Variants in ADAMTS5 observed in about 807,000 individuals in gnomAD.
The protein encoded by ADAMTS5 is ADAM metallopeptidase with thrombospondin type 1 motif 5.
A neutral mutation model predicts 81.4 loss-of-function variants in ADAMTS5; 54 were observed. The observed-to-expected ratio is 0.66, with a 90% confidence interval of 0.53 to 0.83. The LOEUF (loss-of-function observed/expected upper bound fraction) is 0.83, where lower values mean the gene tolerates loss of function less well. ADAMTS5 is among the 40% of genes least tolerant of loss of function. The pLI, the probability that ADAMTS5 is intolerant of heterozygous loss-of-function variation, is 0.00. For synonymous variants in ADAMTS5, 532 were observed against 508.8 expected (o/e 1.05, Z -0.61); for missense variants, 1,194 against 1,229.9 (o/e 0.97, Z 0.44).
intron 7 of ADAMTS5, among the ~76,000 whole-genome samples, chr21:26,926,686 A>C (rs894026644): frequency 6.9e-6 from 1 of 145,608 alleles, no homozygotes; most frequent in African/African-American, 2.6e-5. Context: ...AAAAAAAAAA[A>C]GCCAGGCTCT....
chr21:26,940,016 C>T (rs1435684758), intron 3 of ADAMTS5, among the ~76,000 whole-genome samples: 1 of 152,200 alleles, frequency 6.6e-6, no homozygotes, highest in Middle Eastern at 3.2e-3. Context: ...CTAATTGCTG[C>T]ATATTTCTTG....
chr21:26,945,758 C>T (rs1250112687), intron 2 of ADAMTS5, among the ~76,000 whole-genome samples: 1 of 152,134 alleles, frequency 6.6e-6, no homozygotes, highest in Non-Finnish European at 1.5e-5. Flanking sequence ...AACATTATGA[C>T]TTCTATGCTC....
Position 26,924,537 on chromosome 21 carries a change from C to T in ADAMTS5, c.2309G>A (p.Arg770Lys). The T allele has an allele frequency of 6.2e-7, 1 of 1,614,114 alleles. No individual in the cohort carries two copies. The highest frequency in any genetic ancestry group is 8.5e-7 in the Non-Finnish European group (1 of 1,180,016). ...VRQFKAKDQT[R>K]FTAYLALKKK... ...TTTCAGGGCTAAATAGGCAGTGAAT[C>T]TAGTCTGGTCTTTGGCTTTGAACTG... The change falls in exon 8 of 8, where the codon AGA becomes AAA. Residue 770 changes from arginine to lysine, a missense_variant. Physicochemically the swap from Arg to Lys is conservative, Grantham distance 26. This residue lies in a region of ADAMTS5 where 696 missense variants were observed against 817.6 expected (regional missense o/e 0.85). Transcript: ENST00000284987.
At chr21:26,927,399 A>T (rs229087) in intron 7 of ADAMTS5, among the ~76,000 whole-genome samples, 38,877 of 152,046 alleles carry the variant, frequency 0.26, 5,769 homozygotes, top group Non-Finnish European at 0.33. Context: ...TACGGTAGCC[A>T]CCATCTGGGG....
chr21:26,944,078 A>T (rs2123187441), intron 2 of ADAMTS5, among the ~76,000 whole-genome samples: 1 of 152,290 alleles, frequency 6.6e-6, no homozygotes, highest in African/African-American at 2.4e-5. Context: ...GGCTAATAAA[A>T]GGGAGGACTA....
chr21:26,930,015 A>G lies in ADAMTS5; in HGVS notation c.2096T>C (p.Val699Ala). The change falls in exon 7 of 8, where the codon GTC (valine) becomes GCC (alanine). Residue 699 changes from valine (V) to alanine (A), a missense_variant. Val to Ala is a moderately conservative substitution (Grantham distance 64). Around this residue, in one of 2 missense-constraint regions of ADAMTS5, gnomAD observed 696 missense variants for 817.6 expected, o/e 0.85. Coordinates refer to ENST00000284987, the MANE Select transcript of ADAMTS5 (RefSeq NM_007038.5). ...GCCAGTTCTCACACACTTCCCCCGG[A>G]CGCAGACGGAATTACTGTACAGCCT... ...ECRLYSNSVC[V>A]RGKCVRTGCD... 26 of 1,614,034 alleles carry G rather than the reference A, an allele frequency of 1.6e-5. No homozygotes were observed. The highest frequency in any genetic ancestry group is 2.0e-5 in the Non-Finnish European group (24 of 1,179,930).
chr21:26,927,645 A>G (rs1231417146), intron 7 of ADAMTS5, among the ~76,000 whole-genome samples: 1 of 152,162 alleles, frequency 6.6e-6, no homozygotes, highest in East Asian at 1.9e-4. Context: ...AGTCTTGGGT[A>G]TTGAGTCTAA....
At position 26,967,083 on chromosome 21, in the gene ADAMTS5, C is replaced by T. The variant is rs1471206712; in HGVS notation, c.-692G>A. ...CTGCGAGCGCCGAGAGCAGCGCGAG[C>T]GCTGTGAAGATGCGAGGAGGTGGAA... is the stretch of plus-strand genomic sequence containing the variant. On this transcript the variant is annotated 5_prime_UTR_variant, in exon 1 of 8. Coordinates refer to ENST00000284987, the MANE Select transcript of ADAMTS5 (RefSeq NM_007038.5). Among the ~76,000 whole-genome samples the T allele has an allele frequency of 1.3e-5, 2 of 152,224 alleles. No homozygotes were observed. The highest frequency in any genetic ancestry group is 6.5e-5 in the Admixed American group (1 of 15,284).
intron 7 of ADAMTS5, among the ~76,000 whole-genome samples, chr21:26,925,641 T>C (rs997334655): frequency 6.6e-5 from 10 of 152,222 alleles, no homozygotes; most frequent in African/African-American, 2.2e-4. Context: ...CTTTCCTAGT[T>C]ATTTAAACAG....
At chr21:26,951,371 C>T (rs1050822832) in intron 2 of ADAMTS5, among the ~76,000 whole-genome samples, 4 of 152,000 alleles carry the variant, frequency 2.6e-5, no homozygotes, top group African/African-American at 9.7e-5. Flanking sequence ...TGGAATGAGG[C>T]TAGAGTAAAT....
chr21:26,948,530 A>G (rs1191916049), intron 2 of ADAMTS5, among the ~76,000 whole-genome samples: 2 of 152,204 alleles, frequency 1.3e-5, no homozygotes, highest in Admixed American at 6.5e-5. Context: ...AAGTGAGTCA[A>G]CTGCTCACAT....
At position 26,962,202 on chromosome 21, in the gene ADAMTS5, CA is replaced by C. The variant is rs527464911; in HGVS notation, c.1104+3085del. ...CAGGTAGGCTTTTGTTTCTAAAGAG[CA>C]AATGGTCTAAAAAAAAACGACTGTA... On this transcript the variant is annotated intron_variant, in intron 1 of 7. Coordinates refer to ENST00000284987, the MANE Select transcript of ADAMTS5 (RefSeq NM_007038.5). 3.1e-4 allele frequency among the ~76,000 whole-genome samples: 34 copies of C among 110,574 alleles called. No homozygotes were observed. In the East Asian group the frequency reaches 7.9e-3, roughly 26 times the overall value. 72.5% of individuals were successfully genotyped at this position (110,574 alleles called of 152,430 possible).
At chr21:26,949,446 T>C (rs1247645640) in intron 2 of ADAMTS5, among the ~76,000 whole-genome samples, 1 of 152,024 alleles carries the variant, frequency 6.6e-6, no homozygotes, top group Admixed American at 6.6e-5. Flanking sequence ...CTCAAACTGT[T>C]GGGATTACAA....
chr21:26,933,537 G>A lies in ADAMTS5; in HGVS notation c.1690-493C>T, dbSNP rs552618772. On this transcript the variant is annotated intron_variant, in intron 4 of 7. Coordinates refer to ENST00000284987, the MANE Select transcript of ADAMTS5 (RefSeq NM_007038.5). ...GACATCCCACATCCTGTCTGTGACC[G>A]ACTCCATGACGTTCATAAATGTACC... Among the ~76,000 whole-genome samples the A allele has an allele frequency of 7.9e-5, 12 of 152,302 alleles. No homozygotes were observed. The South Asian group carries it at 2.3e-3, about 29-fold the overall frequency.
chr21:26,949,395 T>A (rs760086331), intron 2 of ADAMTS5, among the ~76,000 whole-genome samples: 84 of 152,020 alleles, frequency 5.5e-4, no homozygotes, highest in Non-Finnish European at 8.8e-4. Context: ...ATTTTTTTAC[T>A]TTTTGTAGAG....
intron 4 of ADAMTS5, among the ~76,000 whole-genome samples, chr21:26,933,957 T>C (rs1457263972): frequency 1.3e-5 from 2 of 152,174 alleles, no homozygotes; most frequent in African/African-American, 4.8e-5. Flanking sequence ...GGACTGTGTA[T>C]ATAGTGGCAG....
In ADAMTS5 at chr21:26,943,542, A is replaced by C; in HGVS notation, c.1243T>G (p.Leu415Val). Reference sequence around the variant, plus strand: ...GAATCGTCATGGGAGAGGCCAAGTAAATGTCCTAAGGGAGACAACAGAGGA... The same window carrying C: ...GAATCGTCATGGGAGAGGCCAAGTACATGTCCTAAGGGAGACAACAGAGGA... ...AFTVAHEIGH[L>V]LGLSHDDSKF... is the part of the protein sequence containing the mutation. The change falls in exon 3 of 8, where the codon TTA becomes GTA. Residue 415 changes from leucine to valine, a missense_variant. Leu to Val is a conservative substitution (Grantham distance 32). Transcript: ENST00000284987. 1 of 1,613,008 alleles carries C rather than the reference A, an allele frequency of 6.2e-7. No individual in the cohort carries two copies.
At chr21:26,951,027 T>C (rs1224572539) in intron 2 of ADAMTS5, among the ~76,000 whole-genome samples, 1 of 152,188 alleles carries the variant, frequency 6.6e-6, no homozygotes, top group African/African-American at 2.4e-5. Flanking sequence ...AGCTATTTTT[T>C]CTTTTTAATT....
At chr21:26,929,302 C>T (rs887112291) in intron 7 of ADAMTS5, among the ~76,000 whole-genome samples, 2 of 151,930 alleles carry the variant, frequency 1.3e-5, no homozygotes, top group African/African-American at 4.8e-5. Context: ...TATTTTATGC[C>T]GGAAATTGGT....
Sources: allele counts gnomAD v4.1 joint callset (sites outside exome capture counted in the v4.1 genomes callset), GRCh38; gene constraint gnomAD v4.1.1; regional missense constraint gnomAD v4.1.1; transcripts MANE v1.5; gene names NCBI Gene and HGNC (gene_info 2026-07-23, HGNC 2026-07-21).